The following PRKAR1B variants were observed in gnomAD, a reference collection of about 807,000 sequenced individuals.
PRKAR1B encodes the protein protein kinase cAMP-dependent type I regulatory subunit beta.
A neutral mutation model predicts 46.5 loss-of-function variants in PRKAR1B; 22 were observed. The observed-to-expected ratio is 0.47, with a 90% CI of 0.34 to 0.68. The LOEUF is 0.68. Ranked by LOEUF, PRKAR1B falls within the 30% of genes least tolerant of loss-of-function variation. The pLI, the probability that PRKAR1B is intolerant of heterozygous loss-of-function variation, is 0.01. For missense variants in PRKAR1B, 445 were observed against 535.6 expected (o/e 0.83, Z 1.67); for synonymous variants, 259 against 217.7 (o/e 1.19, Z -1.67).
rs182834705 is a variant in PRKAR1B at position 723,623 on chromosome 7, C to T, written c.-23+3587G>A. ...CTTTCTCGTCTTCAGCACTCACTGC[C>T]ACAGCCTTCCCAGGGCTCCCGACCA... is the stretch of plus-strand genomic sequence containing the variant. On this transcript the variant is annotated intron_variant, in intron 1 of 10. Coordinates refer to ENST00000537384, the MANE Select transcript of PRKAR1B (RefSeq NM_001164760.2). 4.2e-3 allele frequency among the ~76,000 whole-genome samples: 643 copies of T among 152,324 alleles called. 6 individuals are homozygous for T. Among genetic ancestry groups the T allele is most frequent in the African/African-American group, 0.014 (602 of 41,564 alleles).
intron 2 of PRKAR1B, among the ~76,000 whole-genome samples, chr7:702,424 C>T (rs1472792819): frequency 6.6e-6 from 1 of 151,994 alleles, no homozygotes; most frequent in African/African-American, 2.4e-5. Flanking sequence ...ATAAAAGTAA[C>T]CATCTTAAAA....
intron 4 of PRKAR1B, among the ~76,000 whole-genome samples, chr7:638,186 G>A (rs1287547693): frequency 2.6e-5 from 4 of 152,224 alleles, no homozygotes; most frequent in Non-Finnish European, 5.9e-5. Flanking sequence ...AATATCTTTA[G>A]AAACCCCTGT....
chr7:587,360 C>T (rs1481135493), intron 7 of PRKAR1B, among the ~76,000 whole-genome samples: 4 of 152,236 alleles, frequency 2.6e-5, no homozygotes, highest in Non-Finnish European at 2.9e-5. Context: ...GTGCTCAGGG[C>T]TGTGCCCATC....
At chr7:628,209 A>G (rs1268361918) in intron 4 of PRKAR1B, among the ~76,000 whole-genome samples, 1 of 152,246 alleles carries the variant, frequency 6.6e-6, no homozygotes, top group African/African-American at 2.4e-5. Context: ...AGACTCAGCG[A>G]TGGGCTCTGC....
chr7:680,402 G>A (rs1778599652), intron 3 of PRKAR1B, among the ~76,000 whole-genome samples, 154 bp downstream of exon 3: 1 of 152,096 alleles, frequency 6.6e-6, no homozygotes, highest in African/African-American at 2.4e-5. Flanking sequence ...ACCCAGAACT[G>A]CCTCTGCCAT....
chr7:694,310 C>T (rs531021236), intron 2 of PRKAR1B, among the ~76,000 whole-genome samples: 42 of 151,540 alleles, frequency 2.8e-4, no homozygotes, highest in South Asian at 8.3e-4. Flanking sequence ...CAGTGAGACC[C>T]GGACTTGGGA....
At chr7:657,759 G>C (rs1785291517) in intron 4 of PRKAR1B, among the ~76,000 whole-genome samples, 1 of 152,156 alleles carries the variant, frequency 6.6e-6, no homozygotes, top group Non-Finnish European at 1.5e-5. Flanking sequence ...GCATGAACCA[G>C]CTGTCACCAC....
chr7:563,892 C>T (rs1041688215), intron 9 of PRKAR1B, among the ~76,000 whole-genome samples: 1 of 151,856 alleles, frequency 6.6e-6, no homozygotes, highest in Non-Finnish European at 1.5e-5. Context: ...TGTATATGTG[C>T]ATGTGTGCAC....
At chr7:669,145 G>A (rs532630875) in intron 4 of PRKAR1B, among the ~76,000 whole-genome samples, 1 of 152,280 alleles carries the variant, frequency 6.6e-6, no homozygotes, top group African/African-American at 2.4e-5. Context: ...ACTCGGCCCT[G>A]AAAAAGGAAG....
chr7:610,783 C>CA (rs1368922456), intron 4 of PRKAR1B, among the ~76,000 whole-genome samples: 1 of 152,228 alleles, frequency 6.6e-6, no homozygotes, highest in African/African-American at 2.4e-5. Context: ...CTGTAAAAAA[C>CA]AGTTTTCTCT....
At chr7:616,757 G>A (rs1028780959) in intron 4 of PRKAR1B, among the ~76,000 whole-genome samples, 3 of 152,178 alleles carry the variant, frequency 2.0e-5, no homozygotes, top group East Asian at 1.9e-4. Context: ...CCGCGGCATC[G>A]ATGTTTTCAA....
chr7:625,672 C>G (rs1396137472), intron 4 of PRKAR1B, among the ~76,000 whole-genome samples: 1 of 152,206 alleles, frequency 6.6e-6, no homozygotes, highest in Non-Finnish European at 1.5e-5. Flanking sequence ...AGGGACACCA[C>G]TACAGGTCCT....
intron 1 of PRKAR1B, among the ~76,000 whole-genome samples, chr7:718,044 G>A (rs1269681579): frequency 1.3e-5 from 2 of 152,112 alleles, no homozygotes; most frequent in African/African-American, 2.4e-5. Context: ...CCGTGGCCAG[G>A]AGCTGAGGGT....
chr7:713,786 G>C (rs1417192734), intron 1 of PRKAR1B, among the ~76,000 whole-genome samples: 1 of 152,184 alleles, frequency 6.6e-6, no homozygotes, highest in Non-Finnish European at 1.5e-5. Flanking sequence ...TCCCCAGCAG[G>C]GCTGACATTG....
At chr7:572,145 C>T (rs913894192) in intron 9 of PRKAR1B, among the ~76,000 whole-genome samples, 2 of 152,168 alleles carry the variant, frequency 1.3e-5, no homozygotes, top group African/African-American at 4.8e-5. Flanking sequence ...GGACGCAGGA[C>T]GCCCAGGCCC....
chr7:662,888 A>G (rs1443927661), intron 4 of PRKAR1B, among the ~76,000 whole-genome samples: 2 of 152,220 alleles, frequency 1.3e-5, no homozygotes, highest in Non-Finnish European at 2.9e-5. Context: ...GAGCGGCCAC[A>G]GCAGGGGCCT....
intron 4 of PRKAR1B, among the ~76,000 whole-genome samples, chr7:647,679 G>A (rs975742212): frequency 1.2e-4 from 18 of 151,584 alleles, no homozygotes; most frequent in South Asian, 2.1e-4. Context: ...GGTGGCAGGC[G>A]CCTGTAGTCC....
intron 2 of PRKAR1B, 94 bp downstream of exon 2, chr7:711,235 C>T: frequency 6.6e-7 from 1 of 1,512,950 alleles, no homozygotes; most frequent in Non-Finnish European, 9.0e-7. Context: ...ACCCAGCCTT[C>T]GAGGACCACG....
chr7:685,261 C>CATATATACGTATATATACGTATAT (rs1778948024), intron 2 of PRKAR1B, among the ~76,000 whole-genome samples: 1 of 61,420 alleles, frequency 1.6e-5, no homozygotes, highest in Non-Finnish European at 3.2e-5. Flanking sequence ...TTTATATATA[C>CATATATACGTATATATACGTATAT]ATATATACGT....
Sources: allele counts gnomAD v4.1 joint callset (sites outside exome capture counted in the v4.1 genomes callset), GRCh38; gene constraint gnomAD v4.1.1; transcripts MANE v1.5; gene names NCBI Gene and HGNC (gene_info 2026-07-23, HGNC 2026-07-21).